KCNC2: variants seen among roughly 807,000 people sequenced by gnomAD.
KCNC2 encodes voltage-gated potassium channel KCNC2.
In KCNC2, 21 loss-of-function variants were observed where a neutral mutation model predicts 44.5. That is an observed-to-expected ratio of 0.47 (90% confidence interval 0.33 to 0.68). The LOEUF (loss-of-function observed/expected upper bound fraction) is 0.68. Among genes scored for constraint, KCNC2 ranks in the 30% least tolerant of loss-of-function variants. The pLI, the probability that KCNC2 is intolerant of heterozygous loss-of-function variation, is 0.01. For synonymous variants in KCNC2, 391 were observed against 339.1 expected (o/e 1.15, Z -1.68); for missense variants, 589 against 826.2 (o/e 0.71, Z 3.52).
In KCNC2 at chr12:75,114,549, G is replaced by A. The variant is rs1480896378; in HGVS notation, c.688-63232C>T. Among the ~76,000 whole-genome samples the A allele has an allele frequency of 3.3e-5, 5 of 152,104 alleles. No individual in the cohort carries two copies. In the East Asian group the frequency reaches 9.6e-4, roughly 29 times the overall value. On this transcript the variant is annotated intron_variant, in intron 2 of 4. Transcript: ENST00000549446. Reference sequence around the variant, plus strand: ...TGTAATGTTCTGCTGCTACGAGTAAGGGCTATAAAGAAAAATATATCGGGG... The same window carrying A: ...TGTAATGTTCTGCTGCTACGAGTAAAGGCTATAAAGAAAAATATATCGGGG...
chr12:75,126,979 C>T (rs900197152), intron 2 of KCNC2, among the ~76,000 whole-genome samples: 4 of 152,096 alleles, frequency 2.6e-5, no homozygotes, highest in African/African-American at 9.7e-5. Context: ...TCGAGCTTTC[C>T]ATCATGCCTA....
intron 2 of KCNC2, among the ~76,000 whole-genome samples, chr12:75,158,665 C>T (rs938190698): frequency 3.3e-5 from 5 of 151,794 alleles, no homozygotes; most frequent in African/African-American, 1.2e-4. Flanking sequence ...CATAACAAGG[C>T]TTCATCCAAC....
intron 2 of KCNC2, among the ~76,000 whole-genome samples, chr12:75,150,640 A>G (rs1223758287): frequency 1.3e-5 from 2 of 151,944 alleles, no homozygotes; most frequent in African/African-American, 4.8e-5. Flanking sequence ...CATCAAAGCA[A>G]GAACATCTCA....
intron 2 of KCNC2, among the ~76,000 whole-genome samples, chr12:75,110,225 A>G (rs1362046616): frequency 6.6e-6 from 1 of 152,176 alleles, no homozygotes; most frequent in Non-Finnish European, 1.5e-5. Flanking sequence ...AAAAAAAACC[A>G]ACATATTTTA....
intron 2 of KCNC2, among the ~76,000 whole-genome samples, chr12:75,200,828 T>C (rs2031184389): frequency 6.6e-6 from 1 of 151,782 alleles, no homozygotes; most frequent in African/African-American, 2.4e-5. Context: ...GAATGGGTTA[T>C]GGAAGAGATT....
At chr12:75,081,789 G>A (rs1884536429) in intron 2 of KCNC2, among the ~76,000 whole-genome samples, 2 of 152,008 alleles carry the variant, frequency 1.3e-5, no homozygotes, top group Admixed American at 1.3e-4. Flanking sequence ...TAAAAAGCGT[G>A]ATGAACATCT....
intron 2 of KCNC2, among the ~76,000 whole-genome samples, chr12:75,198,694 C>G (rs1380797390): frequency 6.6e-6 from 1 of 151,818 alleles, no homozygotes; most frequent in Non-Finnish European, 1.5e-5. Flanking sequence ...ACAATATTCA[C>G]TTTTAGCAAA....
At chr12:75,169,436 C>A (rs1006706063) in intron 2 of KCNC2, among the ~76,000 whole-genome samples, 37 of 151,380 alleles carry the variant, frequency 2.4e-4, no homozygotes, top group South Asian at 4.2e-4. Context: ...TTTAAGTGTG[C>A]AAAATGATAA....
intron 2 of KCNC2, among the ~76,000 whole-genome samples, chr12:75,145,880 C>A (rs1467087467): frequency 2.0e-5 from 3 of 151,070 alleles, no homozygotes; most frequent in Non-Finnish European, 2.9e-5. Context: ...TGTTTCAGGT[C>A]TTTTTCTTTT....
Position 75,164,198 on chromosome 12 carries a change from T to C in KCNC2, c.687+43099A>G, listed in dbSNP as rs967564786. On this transcript the variant is annotated intron_variant, in intron 2 of 4. Coordinates refer to ENST00000549446, the MANE Select transcript of KCNC2 (RefSeq NM_139137.4). ...TCTTTTTTTGTTATGTACTTTTCTA[T>C]ACATTTTCAGTAGGAGTAATCTTTT... is the stretch of plus-strand genomic sequence containing the variant. 2.6e-5 allele frequency among the ~76,000 whole-genome samples: 4 copies of C among 151,708 alleles called. No individual in the cohort carries two copies. In the South Asian group the frequency reaches 6.2e-4, roughly 24 times the overall value.
rs966622309 is a variant in KCNC2 at position 75,207,606 on chromosome 12, G to A, written c.378C>T (p.Pro126=). The stretch of plus-strand genomic sequence containing the variant: ...CGAAGAGCGGCCCGCACACGTCTGC[G>A]GGGCAGTGCAGCTTGCCGGTGCGGT... ...NYYRTGKLHC[P]ADVCGPLFEE... Residue 126 remains proline (P), a synonymous_variant, in exon 2 of 5, where the codon CCC becomes CCT. Coordinates refer to ENST00000549446, the MANE Select transcript of KCNC2 (RefSeq NM_139137.4). This position sits in a 1 kb window ranked among gnomAD's most constrained non-coding sequence, Gnocchi z 4.1. The A allele has an allele frequency of 4.3e-6, 7 of 1,611,978 alleles. No homozygotes were observed. The highest frequency in any genetic ancestry group is 5.9e-6 in the Non-Finnish European group (7 of 1,179,852).
intron 2 of KCNC2, among the ~76,000 whole-genome samples, chr12:75,086,064 T>C (rs1484190928): frequency 1.3e-5 from 2 of 152,014 alleles, no homozygotes; most frequent in African/African-American, 4.8e-5. Flanking sequence ...GATAAATATG[T>C]TTTCACTCAT....
chr12:75,175,598 G>A (rs902469227), intron 2 of KCNC2, among the ~76,000 whole-genome samples: 3 of 151,980 alleles, frequency 2.0e-5, no homozygotes, highest in Non-Finnish European at 4.4e-5. Flanking sequence ...AATTGCTAAA[G>A]TGAGACTGCA....
chr12:75,066,016 A>C (rs1478070285), intron 2 of KCNC2, among the ~76,000 whole-genome samples: 4 of 152,144 alleles, frequency 2.6e-5, no homozygotes, highest in African/African-American at 7.2e-5. Flanking sequence ...TCATCTAGAG[A>C]GACAAAATAT....
chr12:75,155,759 C>A (rs1486887454), intron 2 of KCNC2, among the ~76,000 whole-genome samples: 1 of 150,932 alleles, frequency 6.6e-6, no homozygotes, highest in Admixed American at 6.6e-5. Flanking sequence ...TGAAGAGCAG[C>A]AGAGCACAGT....
At chr12:75,160,883 G>T (rs1891079197) in intron 2 of KCNC2, among the ~76,000 whole-genome samples, 1 of 151,686 alleles carries the variant, frequency 6.6e-6, no homozygotes, top group African/African-American at 2.4e-5. Context: ...TAATTCTCAA[G>T]CATATTATTG....
chr12:75,056,671 T>A (rs1310580887), intron 2 of KCNC2, among the ~76,000 whole-genome samples: 4 of 151,816 alleles, frequency 2.6e-5, no homozygotes, highest in Non-Finnish European at 1.5e-5. Flanking sequence ...TGTAAAAAAA[T>A]TTACATTAAA....
intron 2 of KCNC2, chr12:75,140,025 A>T (rs938455429): frequency 1.1e-4 from 17 of 152,182 alleles, no homozygotes; most frequent in African/African-American, 3.9e-4. Context: ...AATAAGAATC[A>T]TATATTAACT....
intron 2 of KCNC2, among the ~76,000 whole-genome samples, chr12:75,189,402 A>G (rs1404573774): frequency 6.6e-6 from 1 of 152,156 alleles, no homozygotes; most frequent in Non-Finnish European, 1.5e-5. Flanking sequence ...GAGGGAAGAA[A>G]GGGGATTACA....
Sources: allele counts gnomAD v4.1 joint callset (sites outside exome capture counted in the v4.1 genomes callset), GRCh38; gene constraint gnomAD v4.1.1; non-coding constraint Gnocchi (gnomAD v3.1); transcripts MANE v1.5; gene names NCBI Gene and HGNC (gene_info 2026-07-23, HGNC 2026-07-21).